The following DMD variants were observed in gnomAD, a reference collection of about 807,000 sequenced individuals.
The protein encoded by DMD is dystrophin, also known as mutant dystrophin.
A neutral mutation model predicts 330.1 loss-of-function variants in DMD; 63 were observed. That is an observed-to-expected ratio of 0.19 (90% CI 0.16 to 0.24). The LOEUF is 0.24. Among genes scored for constraint, DMD ranks in the 10% least tolerant of loss-of-function variants. The pLI, the probability that DMD is intolerant of heterozygous loss-of-function variation, is 1.00. For synonymous variants in DMD, 1,223 were observed against 959.8 expected (o/e 1.27, Z -5.07); for missense variants, 3,344 against 2,684.1 (o/e 1.25, Z -5.43).
chrX:33,270,330 A>C (rs952352619), intron 1 of DMD, among the ~76,000 whole-genome samples: 7 of 103,896 alleles, frequency 6.7e-5, no homozygotes, highest in African/African-American at 2.7e-4. Context: ...AAAGCAATAG[A>C]CAAGGAAAAA....
At chrX:32,973,056 A>G (rs1373667410) in intron 2 of DMD, among the ~76,000 whole-genome samples, 1 of 111,539 alleles carries the variant, frequency 9.0e-6, no homozygotes, top group African/African-American at 3.3e-5. Context: ...CTGGGCTCCC[A>G]TGATTCTTGG....
At chrX:31,562,609 C>T (rs1442652536) in intron 55 of DMD, among the ~76,000 whole-genome samples, 4 of 111,622 alleles carry the variant, frequency 3.6e-5, no homozygotes, top group Middle Eastern at 4.6e-3. Context: ...TTGCATATTC[C>T]TATACTTCGG....
At chrX:32,738,375 A>G (rs1023692981) in intron 7 of DMD, among the ~76,000 whole-genome samples, 1 of 111,755 alleles carries the variant, frequency 8.9e-6, no homozygotes, top group Non-Finnish European at 1.9e-5. Context: ...TTCAAATCCA[A>G]TCTCTACTTC....
At chrX:31,401,992 G>A (rs1360944891) in intron 60 of DMD, among the ~76,000 whole-genome samples, 1 of 111,489 alleles carries the variant, frequency 9.0e-6, no homozygotes, top group Non-Finnish European at 1.9e-5. Flanking sequence ...GTAATACAAC[G>A]AGCCTCTGGG....
chrX:32,938,645 T>G (rs763265771), intron 2 of DMD, among the ~76,000 whole-genome samples: 29 of 111,802 alleles, frequency 2.6e-4, no homozygotes, highest in African/African-American at 6.5e-4. Flanking sequence ...TCAGTAAGGA[T>G]GTTTTTATTT....
At chrX:32,997,792 T>C (rs1461283889) in intron 2 of DMD, among the ~76,000 whole-genome samples, 1 of 111,681 alleles carries the variant, frequency 9.0e-6, no homozygotes, top group African/African-American at 3.3e-5. Context: ...GCCCGGAGAC[T>C]GCATCAGAGG....
intron 1 of DMD, among the ~76,000 whole-genome samples, chrX:33,144,660 G>A (rs750038877): frequency 8.9e-6 from 1 of 111,771 alleles, no homozygotes; most frequent in Non-Finnish European, 1.9e-5. Context: ...CAACTAAGAT[G>A]ATTGGAGAGT....
At chrX:32,531,108 C>A (rs185133402) in intron 17 of DMD, among the ~76,000 whole-genome samples, 1 of 111,083 alleles carries the variant, frequency 9.0e-6, no homozygotes, top group African/African-American at 3.3e-5. Flanking sequence ...GGAAGTTTTA[C>A]TTACACAGAA....
At chrX:32,533,977 C>A (rs2047713989) in intron 17 of DMD, among the ~76,000 whole-genome samples, 1 of 111,921 alleles carries the variant, frequency 8.9e-6, no homozygotes. Context: ...GTACTTAATG[C>A]CCCACTGCCA....
chrX:32,622,635 C>A (rs894887871), intron 11 of DMD, among the ~76,000 whole-genome samples: 2 of 111,953 alleles, frequency 1.8e-5, no homozygotes, highest in Non-Finnish European at 3.8e-5. Flanking sequence ...TCCAATTATA[C>A]TTCATATACA....
intron 1 of DMD, among the ~76,000 whole-genome samples, chrX:33,292,567 T>C (rs770821341): frequency 9.0e-6 from 1 of 110,802 alleles, no homozygotes; most frequent in East Asian, 2.8e-4. Context: ...TACAATTGAA[T>C]GTAGAAAATC....
At chrX:31,642,002 C>T (rs2079796106) in intron 54 of DMD, among the ~76,000 whole-genome samples, 1 of 111,849 alleles carries the variant, frequency 8.9e-6, no homozygotes, top group Non-Finnish European at 1.9e-5. Context: ...ATGAGCAACA[C>T]TTCTTCTATA....
At chrX:32,783,269 T>A (rs375289859) in intron 7 of DMD, among the ~76,000 whole-genome samples, 14 of 95,221 alleles carry the variant, frequency 1.5e-4, no homozygotes, top group Admixed American at 1.5e-3. Context: ...TACACATATA[T>A]GGTATATATA....
At chrX:31,542,863 G>T (rs1483144426) in intron 55 of DMD, among the ~76,000 whole-genome samples, 1 of 112,923 alleles carries the variant, frequency 8.9e-6, no homozygotes, top group Non-Finnish European at 1.9e-5. Flanking sequence ...TGCGAATAGA[G>T]GGCAGGGCAT....
At chrX:32,538,384 T>C (rs2065381905) in intron 17 of DMD, among the ~76,000 whole-genome samples, 1 of 111,185 alleles carries the variant, frequency 9.0e-6, no homozygotes, top group African/African-American at 3.3e-5. Context: ...ACTGAGCACC[T>C]TGTGACCCCC....
chrX:32,583,196 A>G lies in DMD; in HGVS notation c.1603-9350T>C, dbSNP rs373424008. On this transcript the variant is annotated intron_variant, in intron 13 of 78. Coordinates refer to ENST00000357033, the MANE Select transcript of DMD (RefSeq NM_004006.3). ...GTTTGTCTGGTGCATTTTTTCTTTTACAATATTACCAGATACAGGCTGGGC... is the reference window on the plus strand; with the variant it reads ...GTTTGTCTGGTGCATTTTTTCTTTTGCAATATTACCAGATACAGGCTGGGC... Among the ~76,000 whole-genome samples the G allele has an allele frequency of 5.7e-4, 64 of 111,665 alleles. No homozygotes were observed. In the South Asian group the frequency reaches 0.022, roughly 38 times the overall value.
chrX:32,829,971 T>A (rs747930794), intron 4 of DMD, among the ~76,000 whole-genome samples: 1 of 111,883 alleles, frequency 8.9e-6, no homozygotes, highest in East Asian at 2.8e-4. Context: ...CAAGGATTAT[T>A]ATTTATTTTG....
chrX:31,461,300 A>C (rs1344246055), intron 59 of DMD, among the ~76,000 whole-genome samples: 1 of 112,132 alleles, frequency 8.9e-6, no homozygotes, highest in Non-Finnish European at 1.9e-5. Context: ...TGGTTCTCAG[A>C]ATGTATCTCT....
At chrX:31,330,660 G>A (rs1014525561) in intron 61 of DMD, among the ~76,000 whole-genome samples, 5 of 112,047 alleles carry the variant, frequency 4.5e-5, no homozygotes, top group South Asian at 3.7e-4. Context: ...TCTTTATAAC[G>A]TTAAATTATA....
Sources: gnomAD v4.1 joint callset for allele counts (sites outside exome capture counted in the v4.1 genomes callset) on GRCh38, gnomAD v4.1.1 for gene constraint, MANE v1.5 for transcripts, NCBI Gene and HGNC (gene_info 2026-07-23, HGNC 2026-07-21) for gene names.